Variants in AK8 observed in about 807,000 individuals in gnomAD.
AK8 encodes adenylate kinase 8.
Under a neutral mutation model 54.6 loss-of-function variants are expected in AK8, and 44 were observed. That is an observed-to-expected ratio of 0.81 (90% CI 0.63 to 1.04). The LOEUF (loss-of-function observed/expected upper bound fraction) is 1.04, where lower values mean the gene tolerates loss of function less well. AK8 is among the 50% of genes least tolerant of loss of function. The probability of loss-of-function intolerance (pLI) is 0.00; values close to 1 mark genes in which losing one functional copy is unlikely to be tolerated. For missense variants in AK8, 555 were observed against 613.6 expected, an observed-to-expected ratio of 0.90 and a Z score of 1.01; for synonymous variants, 239 against 245.6, an observed-to-expected ratio of 0.97 and a Z score of 0.25.
At chr9:132,836,685 C>T (rs1842336632) in intron 5 of AK8, among the ~76,000 whole-genome samples, 1 of 152,162 alleles carries the variant, frequency 6.6e-6, no homozygotes. Context: ...CCAGCTGGGA[C>T]AGACACATTT....
chr9:132,766,281 T>C (rs1838722021), intron 11 of AK8, among the ~76,000 whole-genome samples: 1 of 152,184 alleles, frequency 6.6e-6, no homozygotes, highest in African/African-American at 2.4e-5. Context: ...CTGGCTGATT[T>C]ATTTTTATTT....
chr9:132,742,780 G>A (rs1427658275), intron 11 of AK8, among the ~76,000 whole-genome samples: 1 of 152,148 alleles, frequency 6.6e-6, no homozygotes, highest in African/African-American at 2.4e-5. Context: ...ACCCACGTGG[G>A]CCCACACACC....
intron 11 of AK8, among the ~76,000 whole-genome samples, chr9:132,762,696 G>A (rs1214048382): frequency 6.6e-6 from 1 of 151,950 alleles, no homozygotes; most frequent in Admixed American, 6.6e-5. Context: ...CTGAGGTCAG[G>A]AGTTCCAGAC....
intron 1 of AK8, chr9:132,877,881 G>T: frequency 1.5e-6 from 1 of 686,264 alleles, no homozygotes; most frequent in Non-Finnish European, 2.6e-6. Flanking sequence ...GGAAAGGACT[G>T]GTTCCAGACC....
chr9:132,836,084 C>G (rs1381456331), intron 5 of AK8, among the ~76,000 whole-genome samples: 1 of 152,126 alleles, frequency 6.6e-6, no homozygotes, highest in Non-Finnish European at 1.5e-5. Context: ...GATTGAGCCA[C>G]TGCACTCTAG....
chr9:132,760,624 A>C (rs1838411799), intron 11 of AK8, among the ~76,000 whole-genome samples: 1 of 152,132 alleles, frequency 6.6e-6, no homozygotes, highest in Non-Finnish European at 1.5e-5. Context: ...GTTTCATAGA[A>C]ATGATGATGG....
At chr9:132,751,815 CCT>C (rs1478621823) in intron 11 of AK8, among the ~76,000 whole-genome samples, 1 of 151,648 alleles carries the variant, frequency 6.6e-6, no homozygotes, top group Non-Finnish European at 1.5e-5. Flanking sequence ...CAATTAAGAC[CCT>C]GTTTTCATTT....
chr9:132,872,604 T>A (rs1843897475), intron 2 of AK8, among the ~76,000 whole-genome samples: 1 of 151,906 alleles, frequency 6.6e-6, no homozygotes, highest in Non-Finnish European at 1.5e-5. Context: ...TAGCTGGAGC[T>A]ACAGGTGCAC....
intron 10 of AK8, among the ~76,000 whole-genome samples, chr9:132,802,574 G>C (rs987610001): frequency 1.4e-4 from 21 of 152,132 alleles, no homozygotes; most frequent in Non-Finnish European, 2.5e-4. Flanking sequence ...TGTGAGGAGG[G>C]AAGATGCCTG....
At chr9:132,789,798 T>G (rs1301675235) in intron 11 of AK8, among the ~76,000 whole-genome samples, 1 of 152,050 alleles carries the variant, frequency 6.6e-6, no homozygotes, top group Non-Finnish European at 1.5e-5. Flanking sequence ...ACGGCCCCCA[T>G]CTTTGAGCCA....
intron 11 of AK8, among the ~76,000 whole-genome samples, chr9:132,729,395 T>C (rs1836725688): frequency 6.6e-6 from 1 of 152,158 alleles, no homozygotes; most frequent in Non-Finnish European, 1.5e-5. Context: ...TGGGACAGTG[T>C]GTGAACAAAC....
Position 132,826,449 on chromosome 9 carries a change from G to A in AK8, c.757+405C>T, listed in dbSNP as rs1841873381. ...GTGCTGTGTGTGTGTGTTTTATTGT[G>A]TTGTGTGTGGTGGTGGTGGTTTTGT... On this transcript the variant is annotated intron_variant, in intron 8 of 12. Transcript: ENST00000298545. The surrounding 1 kb of genome is among the most constrained non-coding windows in gnomAD (Gnocchi z 4.5). 6.6e-6 allele frequency among the ~76,000 whole-genome samples: 1 copy of A among 152,182 alleles called. No individual in the cohort carries two copies. Among genetic ancestry groups the A allele is most frequent in the Non-Finnish European group, 1.5e-5 (1 of 68,026 alleles).
chr9:132,869,860 A>G (rs114874313), intron 2 of AK8, among the ~76,000 whole-genome samples: 3,574 of 152,094 alleles, frequency 0.023, 158 homozygotes, highest in African/African-American at 0.081. Context: ...CACGAGGCAG[A>G]GGGCTCGTGT....
At chr9:132,738,434 A>T (rs1837218740) in intron 11 of AK8, among the ~76,000 whole-genome samples, 1 of 152,124 alleles carries the variant, frequency 6.6e-6, no homozygotes, top group Non-Finnish European at 1.5e-5. Flanking sequence ...TTTAATTTAA[A>T]AAAGTTTTAA....
intron 11 of AK8, among the ~76,000 whole-genome samples, chr9:132,763,446 T>TA (rs1032927263): frequency 7.9e-5 from 12 of 152,218 alleles, no homozygotes; most frequent in South Asian, 2.1e-4. Flanking sequence ...AAGTTTAGCC[T>TA]AAGGCTGCCA....
intron 7 of AK8, 64 bp downstream of exon 7, chr9:132,827,949 C>T (rs912451628): frequency 7.7e-5 from 115 of 1,485,596 alleles, no homozygotes; most frequent in East Asian, 2.0e-4. Flanking sequence ...AAATGGTAGA[C>T]GGGCTGTCAT....
At chr9:132,739,670 G>A (rs1011107297) in intron 11 of AK8, among the ~76,000 whole-genome samples, 1 of 152,046 alleles carries the variant, frequency 6.6e-6, no homozygotes, top group Non-Finnish European at 1.5e-5. Flanking sequence ...GAGGCAGGAG[G>A]GCTTCTTGAG....
chr9:132,771,799 A>C (rs1050218155), intron 11 of AK8, among the ~76,000 whole-genome samples: 3 of 152,172 alleles, frequency 2.0e-5, no homozygotes, highest in African/African-American at 7.2e-5. Context: ...CCTGTGTATC[A>C]GTCTGTTTTC....
intron 11 of AK8, among the ~76,000 whole-genome samples, chr9:132,757,857 G>A (rs997252542): frequency 6.6e-6 from 1 of 152,118 alleles, no homozygotes; most frequent in Non-Finnish European, 1.5e-5. Context: ...GATCCTAAGG[G>A]AGGGAAAAAA....
Sources: allele counts gnomAD v4.1 joint callset (sites outside exome capture counted in the v4.1 genomes callset), GRCh38; gene constraint gnomAD v4.1.1; non-coding constraint Gnocchi (gnomAD v3.1); transcripts MANE v1.5; gene names NCBI Gene and HGNC (gene_info 2026-07-23, HGNC 2026-07-21).